Variants in RBM20 observed in about 807,000 individuals in gnomAD.
The protein encoded by RBM20 is RNA-binding protein 20.
A neutral mutation model predicts 110.1 loss-of-function variants in RBM20; 51 were observed. The observed-to-expected ratio is 0.46, with a 90% CI of 0.37 to 0.59. The LOEUF is 0.59. RBM20 is among the 20% of genes least tolerant of loss of function. The pLI is 0.00. For missense variants in RBM20, 1,512 were observed against 1,574.9 expected (o/e 0.96, Z 0.68); for synonymous variants, 589 against 618.2 (o/e 0.95, Z 0.70).
chr10:110,735,833 G>A (rs1843665064), intron 1 of RBM20, among the ~76,000 whole-genome samples: 2 of 152,166 alleles, frequency 1.3e-5, no homozygotes, highest in Admixed American at 1.3e-4. Flanking sequence ...TAATTAACAT[G>A]TATCTTAGTA....
chr10:110,658,452 G>A (rs1458291150), intron 1 of RBM20, among the ~76,000 whole-genome samples: 1 of 152,190 alleles, frequency 6.6e-6, no homozygotes, highest in African/African-American at 2.4e-5. Flanking sequence ...ACTAGGAGTA[G>A]CTCAGGGTCA....
At chr10:110,769,493 G>C (rs1404723701) in intron 1 of RBM20, among the ~76,000 whole-genome samples, 2 of 152,034 alleles carry the variant, frequency 1.3e-5, no homozygotes, top group African/African-American at 2.4e-5. Context: ...GTTACCTAAG[G>C]TTCCCTGAAC....
intron 1 of RBM20, among the ~76,000 whole-genome samples, chr10:110,747,748 A>G (rs1843800091): frequency 1.3e-5 from 2 of 152,086 alleles, no homozygotes; most frequent in African/African-American, 4.8e-5. Flanking sequence ...TTCTAAATAC[A>G]CTAAAAAGAG....
chr10:110,809,008 C>A (rs1535560), intron 7 of RBM20, among the ~76,000 whole-genome samples: 140,629 of 151,884 alleles, frequency 0.93, 65,247 homozygotes, highest in Non-Finnish European at 0.96. Context: ...TGAGCCCGGG[C>A]GTTCAAGACC....
chr10:110,803,634 C>T (rs1844658371), intron 7 of RBM20, among the ~76,000 whole-genome samples: 1 of 152,060 alleles, frequency 6.6e-6, no homozygotes, highest in Admixed American at 6.5e-5. Context: ...CCCCAAGCTG[C>T]CATATTCCCT....
intron 12 of RBM20, among the ~76,000 whole-genome samples, chr10:110,825,150 G>T (rs932441679): frequency 2.0e-5 from 3 of 152,026 alleles, no homozygotes; most frequent in African/African-American, 7.3e-5. Context: ...AGATGACCCT[G>T]GGTATTTTAG....
chr10:110,664,589 A>G (rs1862150678), intron 1 of RBM20, among the ~76,000 whole-genome samples: 1 of 152,028 alleles, frequency 6.6e-6, no homozygotes, highest in South Asian at 2.1e-4. Context: ...TCTACTAAAA[A>G]TACAAAAATT....
chr10:110,726,908 G>A (rs2134942499), intron 1 of RBM20, among the ~76,000 whole-genome samples: 1 of 152,288 alleles, frequency 6.6e-6, no homozygotes. Flanking sequence ...GTGCAATGGT[G>A]CAACCTTGGC....
intron 13 of RBM20, chr10:110,835,467 C>T (rs1278553829): frequency 1.3e-5 from 2 of 152,770 alleles, no homozygotes; most frequent in Non-Finnish European, 1.5e-5. Flanking sequence ...TCCCGAGTAG[C>T]TGGGATTACA....
At chr10:110,678,219 C>T (rs979792197) in intron 1 of RBM20, among the ~76,000 whole-genome samples, 6 of 152,158 alleles carry the variant, frequency 3.9e-5, no homozygotes, top group African/African-American at 1.4e-4. Flanking sequence ...CCACACAAAA[C>T]AAATCCCTAT....
chr10:110,813,835 CAAAAAAA>C (rs57225247), intron 9 of RBM20, among the ~76,000 whole-genome samples: 13 of 125,066 alleles, frequency 1.0e-4, no homozygotes, highest in Non-Finnish European at 1.3e-4. Flanking sequence ...AACTCTATTT[CAAAAAAA>C]AAAAAAAAAA....
In RBM20 at chr10:110,644,662, G is replaced by A. The variant is rs1861842896; in HGVS notation, c.191+17G>A. ...CATCCAAAAGTAAGAAGGGAGAAGG[G>A]AACAGGGACCACGGGTGCGCCTGGG... On this transcript the variant is annotated intron_variant, in intron 1 of 13. Coordinates refer to ENST00000369519, the MANE Select transcript of RBM20 (RefSeq NM_001134363.3). This position sits in a 1 kb window ranked among gnomAD's most constrained non-coding sequence, Gnocchi z 4.3. 6.8e-7 allele frequency: 1 copy of A among 1,470,278 alleles called. No individual in the cohort carries two copies. The highest frequency in any genetic ancestry group is 1.3e-5 in the South Asian group (1 of 74,752). The allele number at this position is 1,470,278 out of a possible 1,614,324, so 91.1% of individuals were successfully genotyped here. A position where few individuals can be genotyped will look rare whatever the true frequency, so the allele number is the denominator to read the frequency against.
chr10:110,740,376 C>T (rs143123518), intron 1 of RBM20, among the ~76,000 whole-genome samples: 8 of 152,226 alleles, frequency 5.3e-5, no homozygotes, highest in African/African-American at 1.4e-4. Flanking sequence ...AACCTTAATG[C>T]ATTGGGCAGA....
At chr10:110,655,334 T>C (rs192882531) in intron 1 of RBM20, among the ~76,000 whole-genome samples, 4 of 144,272 alleles carry the variant, frequency 2.8e-5, no homozygotes, top group African/African-American at 7.7e-5. Context: ...GAAATCTATA[T>C]CCCAATTTAA....
intron 1 of RBM20, among the ~76,000 whole-genome samples, chr10:110,777,338 G>A (rs965488944): frequency 6.6e-6 from 1 of 152,120 alleles, no homozygotes; most frequent in East Asian, 1.9e-4. Context: ...CCCAATTTTT[G>A]GTTCAGAAAT....
At chr10:110,729,566 A>G (rs1186941653) in intron 1 of RBM20, among the ~76,000 whole-genome samples, 1 of 152,178 alleles carries the variant, frequency 6.6e-6, no homozygotes, top group East Asian at 1.9e-4. Context: ...CTGAGATCGT[A>G]TCTCCCAGAT....
At chr10:110,786,584 C>G (rs1844421812) in intron 5 of RBM20, among the ~76,000 whole-genome samples, 1 of 152,250 alleles carries the variant, frequency 6.6e-6, no homozygotes, top group Non-Finnish European at 1.5e-5. Flanking sequence ...TGTGGTTTCC[C>G]TCTCTGCACT....
intron 1 of RBM20, among the ~76,000 whole-genome samples, chr10:110,772,490 T>C (rs1245091962): frequency 6.6e-6 from 1 of 152,244 alleles, no homozygotes; most frequent in Admixed American, 6.5e-5. Context: ...ATTTTTACTG[T>C]ACTTGTCTAG....
At chr10:110,724,172 A>G (rs1267907696) in intron 1 of RBM20, among the ~76,000 whole-genome samples, 1 of 152,126 alleles carries the variant, frequency 6.6e-6, no homozygotes, top group Non-Finnish European at 1.5e-5. Flanking sequence ...CCCGTCTGCC[A>G]GTGTGTGTGC....
Sources: allele counts gnomAD v4.1 joint callset (sites outside exome capture counted in the v4.1 genomes callset), GRCh38; gene constraint gnomAD v4.1.1; non-coding constraint Gnocchi (gnomAD v3.1); transcripts MANE v1.5; gene names NCBI Gene and HGNC (gene_info 2026-07-23, HGNC 2026-07-21).